Variants in ENTPD1 observed in about 807,000 individuals in gnomAD.
The protein encoded by ENTPD1 is ATP diphosphohydrolase.
A neutral mutation model predicts 57.0 loss-of-function variants in ENTPD1; 33 were observed. That is an observed-to-expected ratio of 0.58 (90% CI 0.44 to 0.77). The LOEUF (loss-of-function observed/expected upper bound fraction) is 0.77, where lower values mean the gene tolerates loss of function less well. Among genes scored for constraint, ENTPD1 ranks in the 30% least tolerant of loss-of-function variants. The pLI is 0.00. For synonymous variants in ENTPD1, 202 were observed against 218.8 expected, an observed-to-expected ratio of 0.92 and a Z score of 0.68; for missense variants, 501 against 603.4, an observed-to-expected ratio of 0.83 and a Z score of 1.78.
intron 1 of ENTPD1, among the ~76,000 whole-genome samples, chr10:95,814,232 C>G (rs2098321768): frequency 6.6e-6 from 1 of 152,068 alleles, no homozygotes; most frequent in African/African-American, 2.4e-5. Context: ...CCACAAAGGC[C>G]TATTATTCTC....
At chr10:95,814,388 C>G (rs3892344) in intron 1 of ENTPD1, among the ~76,000 whole-genome samples, 82,014 of 152,038 alleles carry the variant, frequency 0.54, 22,555 homozygotes, top group Admixed American at 0.63. Context: ...GCCTCTGTCA[C>G]CATTTGATTT....
chr10:95,849,785 C>A (rs1590147226), intron 7 of ENTPD1, among the ~76,000 whole-genome samples: 1 of 152,234 alleles, frequency 6.6e-6, no homozygotes, highest in East Asian at 1.9e-4. Context: ...CACTTGAATG[C>A]CCTGTGGCTG....
intron 1 of ENTPD1, among the ~76,000 whole-genome samples, chr10:95,777,379 ACAGT>A (rs2098138042): frequency 6.6e-6 from 1 of 152,058 alleles, no homozygotes; most frequent in Non-Finnish European, 1.5e-5. Flanking sequence ...TTTCCTTCTA[ACAGT>A]CAGGTCCCTT....
intron 7 of ENTPD1, 104 bp from the exon 8 acceptor site, chr10:95,860,365 A>C: frequency 1.1e-6 from 1 of 898,584 alleles, no homozygotes; most frequent in East Asian, 2.8e-5. Flanking sequence ...TAATTTACTC[A>C]GCAGAACTTT....
At chr10:95,708,594 C>T (rs2097963476), upstream of ENTPD1, among the ~76,000 whole-genome samples, 1 of 152,144 alleles carries the variant, frequency 6.6e-6, no homozygotes, top group Admixed American at 6.5e-5. Context: ...ATATTGGAAA[C>T]AATGTAAATG....
Position 95,874,735 on chromosome 10 carries a change from T to G in ENTPD1, c.*8352T>G, listed in dbSNP as rs1026431967. 7.2e-5 allele frequency among the ~76,000 whole-genome samples: 11 copies of G among 152,282 alleles called. No homozygotes were observed. The highest frequency in any genetic ancestry group is 2.7e-4 in the African/African-American group (11 of 41,478). ...TCTGCCCCTGCAGCAAACTTTTGCCTGGACATCCAGGTGTTTCCATATATA... is the reference window on the plus strand; with the variant it reads ...TCTGCCCCTGCAGCAAACTTTTGCCGGGACATCCAGGTGTTTCCATATATA... On this transcript the variant is annotated 3_prime_UTR_variant, in exon 10 of 10. Coordinates refer to ENST00000371205, the MANE Select transcript of ENTPD1 (RefSeq NM_001776.6).
chr10:95,732,519 G>A (rs927738678), intron 1 of ENTPD1, among the ~76,000 whole-genome samples: 1 of 152,072 alleles, frequency 6.6e-6, no homozygotes, highest in Non-Finnish European at 1.5e-5. Flanking sequence ...CTGCTGGGAG[G>A]GATTTGCTCT....
intron 1 of ENTPD1, among the ~76,000 whole-genome samples, chr10:95,780,141 T>C (rs1000718019): frequency 6.6e-6 from 1 of 152,220 alleles, no homozygotes; most frequent in East Asian, 1.9e-4. Flanking sequence ...TTCTCATCTT[T>C]AACAGAACAT....
rs915092550 is a variant in ENTPD1 at position 95,874,511 on chromosome 10, C to G, written c.*8128C>G. Reference sequence around the variant, plus strand: ...GCTTTCTCAGGCTGATGTTGAGTGTCTGTAGCTTTTCCAGGCACAAGATGC... The same window carrying G: ...GCTTTCTCAGGCTGATGTTGAGTGTGTGTAGCTTTTCCAGGCACAAGATGC... On this transcript the variant is annotated 3_prime_UTR_variant, in exon 10 of 10. Transcript: ENST00000371205. Among the ~76,000 whole-genome samples the G allele has an allele frequency of 6.6e-6, 1 of 152,188 alleles. No homozygotes were observed. Among genetic ancestry groups the G allele is most frequent in the African/African-American group, 2.4e-5 (1 of 41,444 alleles).
rs1338157903 is a variant in ENTPD1, at chr10:95,876,230, A to G, written c.*9847A>G. 1.4e-5 allele frequency: 14 copies of G among 976,004 alleles called. No homozygotes were observed. Among genetic ancestry groups the G allele is most frequent in the Non-Finnish European group, 1.6e-5 (13 of 821,486 alleles). 60.5% of individuals were successfully genotyped at this position (976,004 alleles called of 1,614,324 possible). On this transcript the variant is annotated 3_prime_UTR_variant, in exon 10 of 10. Coordinates refer to ENST00000371205, the MANE Select transcript of ENTPD1 (RefSeq NM_001776.6). ...CTCCTATAAAAATGTAAAGAAACACATAATGTAGATTGCTAATTTTATAAT... is the reference window on the plus strand; with the variant it reads ...CTCCTATAAAAATGTAAAGAAACACGTAATGTAGATTGCTAATTTTATAAT...
chr10:95,806,539 A>C (rs1409289646), intron 1 of ENTPD1, among the ~76,000 whole-genome samples: 6 of 152,186 alleles, frequency 3.9e-5, no homozygotes, highest in Non-Finnish European at 8.8e-5. Context: ...GCTGGCAAGG[A>C]GCTGCAATCC....
intron 1 of ENTPD1, among the ~76,000 whole-genome samples, chr10:95,773,755 C>A (rs1000769924): frequency 6.6e-6 from 1 of 152,146 alleles, no homozygotes; most frequent in Non-Finnish European, 1.5e-5. Flanking sequence ...TGGGTTGGTT[C>A]CAAGTCTTTG....
rs759268339 is a variant in ENTPD1, at chr10:95,791,909, G to A, written c.17-31328G>A. ...TGAAAAAGAGAAATCATGTTCATGGGGGGTATTTTAGAAGTCAGCATGGTG... is the reference window on the plus strand; with the variant it reads ...TGAAAAAGAGAAATCATGTTCATGGAGGGTATTTTAGAAGTCAGCATGGTG... On this transcript the variant is annotated intron_variant, in intron 1 of 9. Transcript: ENST00000371205. This position sits in a 1 kb window ranked among gnomAD's most constrained non-coding sequence, Gnocchi z 4.1. 2.0e-5 allele frequency among the ~76,000 whole-genome samples: 3 copies of A among 152,112 alleles called. No individual in the cohort carries two copies. Among genetic ancestry groups the A allele is most frequent in the Non-Finnish European group, 4.4e-5 (3 of 68,018 alleles).
chr10:95,708,510 C>T (rs1031628783), upstream of ENTPD1, among the ~76,000 whole-genome samples: 1 of 152,178 alleles, frequency 6.6e-6, no homozygotes, highest in African/African-American at 2.4e-5. Flanking sequence ...CTGCGCCTGG[C>T]CCAGAGATTT....
At chr10:95,731,017 C>T (rs542860681) in intron 1 of ENTPD1, among the ~76,000 whole-genome samples, 20 of 152,344 alleles carry the variant, frequency 1.3e-4, no homozygotes, top group African/African-American at 4.6e-4. Flanking sequence ...CAAGTCTCCT[C>T]TTATTTAGGA....
intron 1 of ENTPD1, among the ~76,000 whole-genome samples, chr10:95,738,881 T>C (rs1417091776): frequency 6.6e-6 from 1 of 152,172 alleles, no homozygotes; most frequent in Non-Finnish European, 1.5e-5. Flanking sequence ...ACTCGAGAAT[T>C]TGAAGTCACA....
At chr10:95,777,691 G>T (rs144771468) in intron 1 of ENTPD1, among the ~76,000 whole-genome samples, 11,141 of 152,302 alleles carry the variant, frequency 0.073, 450 homozygotes, top group African/African-American at 0.096. Context: ...CTTCAGAGCT[G>T]TTAGACAGGG....
intron 1 of ENTPD1, among the ~76,000 whole-genome samples, chr10:95,736,001 GTTTT>G (rs35402062): frequency 7.4e-6 from 1 of 134,304 alleles, no homozygotes. Context: ...CATTTTCAAA[GTTTT>G]TTTTTTTTTT....
At chr10:95,703,024 A>G in the ENTPD1 span, among the ~76,000 whole-genome samples, 2 of 151,906 alleles carry the variant, frequency 1.3e-5, no homozygotes, top group Non-Finnish European at 2.9e-5. Flanking sequence ...TCACCTCGTG[A>G]TCCACCCGCC....
Sources: gnomAD v4.1 joint callset for allele counts (sites outside exome capture counted in the v4.1 genomes callset) on GRCh38, gnomAD v4.1.1 for gene constraint, Gnocchi (gnomAD v3.1) non-coding constraint, MANE v1.5 for transcripts, NCBI Gene and HGNC (gene_info 2026-07-23, HGNC 2026-07-21) for gene names.